ADCY3: variants seen among roughly 807,000 people sequenced by gnomAD.
The protein encoded by ADCY3 is adenylate cyclase type 3.
ADCY3 carries 70 observed loss-of-function variants against 119.4 expected under a neutral mutation model. The ratio of observed to expected loss-of-function variants is 0.59; its 90% confidence interval spans 0.48 to 0.72. The LOEUF is 0.72. Ranked by LOEUF, ADCY3 falls within the 30% of genes least tolerant of loss-of-function variation. The pLI is 0.00. For synonymous variants in ADCY3, 672 were observed against 621.4 expected, an observed-to-expected ratio of 1.08 and a Z score of -1.21; for missense variants, 1,238 against 1,541.6, an observed-to-expected ratio of 0.80 and a Z score of 3.30.
chr2:24,840,177 T>TG lies in ADCY3; in HGVS notation c.1197-147dup, dbSNP rs1385961879. On this transcript the variant is annotated intron_variant, in intron 6 of 21. Coordinates refer to ENST00000679454, the MANE Select transcript of ADCY3 (RefSeq NM_004036.5). ...AAGGTCCCCACAGCTTGGTGTTGGGTGGGGGGTAAGGCAGGCCAGGGCCAG... is the reference window on the plus strand; with the variant it reads ...AAGGTCCCCACAGCTTGGTGTTGGGTGGGGGGGTAAGGCAGGCCAGGGCCAG... 6 of 1,153,570 alleles carry TG rather than the reference T, an allele frequency of 5.2e-6. No homozygotes were observed. In the African/African-American group the frequency reaches 7.8e-5, roughly 15 times the overall value. The allele number at this position is 1,153,570 out of a possible 1,614,324, so 71.5% of individuals were successfully genotyped here. A position where few individuals can be genotyped will look rare whatever the true frequency, so the allele number is the denominator to read the frequency against.
At chr2:24,843,862 C>T (rs989299298) in intron 3 of ADCY3, among the ~76,000 whole-genome samples, 2 of 152,204 alleles carry the variant, frequency 1.3e-5, no homozygotes, top group Non-Finnish European at 2.9e-5. Flanking sequence ...GCTGCGGAGG[C>T]GAAGCCAGGG....
chr2:24,877,985 G>T, intron 2 of ADCY3: 1 of 471,158 alleles, frequency 2.1e-6, no homozygotes, highest in Non-Finnish European at 4.4e-6. Context: ...TTGCCCCGTG[G>T]TCCCCTTTAG....
At chr2:24,891,967 T>C (rs1485445375) in intron 2 of ADCY3, among the ~76,000 whole-genome samples, 2 of 152,248 alleles carry the variant, frequency 1.3e-5, no homozygotes. Context: ...CTGGGGATCC[T>C]GGAACAGCCC....
chr2:24,831,826 C>A, intron 11 of ADCY3, 77 bp from the exon 12 acceptor site: 1 of 139,960 alleles, frequency 7.1e-6, no homozygotes, highest in South Asian at 5.5e-5. Flanking sequence ...GAGGAAGGGA[C>A]GGGGATGGGG....
intron 15 of ADCY3, 44 bp from the exon 16 acceptor site, chr2:24,826,170 T>TCCTGGAGGGGG: frequency 3.2e-6 from 5 of 1,557,744 alleles, no homozygotes; most frequent in Non-Finnish European, 4.4e-6. Flanking sequence ...GTCATCTGCC[T>TCCTGGAGGGGG]CCTGGAGGGG....
chr2:24,836,609 A>G (rs1670353706), intron 9 of ADCY3, among the ~76,000 whole-genome samples: 1 of 152,228 alleles, frequency 6.6e-6, no homozygotes, highest in Non-Finnish European at 1.5e-5. Flanking sequence ...CAGATCCTAT[A>G]TAATTTTCCA....
chr2:24,840,075 C>G, intron 6 of ADCY3, 44 bp from the exon 7 acceptor site: 1 of 1,573,870 alleles, frequency 6.4e-7, no homozygotes, highest in Non-Finnish European at 8.7e-7. Flanking sequence ...GTGGCCTTCA[C>G]GAGGCAGCCA....
intron 2 of ADCY3, among the ~76,000 whole-genome samples, chr2:24,886,620 AC>A (rs1257749168): frequency 6.6e-6 from 1 of 151,484 alleles, no homozygotes; most frequent in Non-Finnish European, 1.5e-5. Flanking sequence ...AAGGGAGAAG[AC>A]CCCCGCCCCG....
At chr2:24,902,811 C>T (rs186081993) in intron 2 of ADCY3, among the ~76,000 whole-genome samples, 1 of 152,232 alleles carries the variant, frequency 6.6e-6, no homozygotes, top group African/African-American at 2.4e-5. Context: ...GGGTGGATCA[C>T]CTGAGGGCAG....
At chr2:24,852,650 C>T (rs1025821297) in intron 3 of ADCY3, among the ~76,000 whole-genome samples, 1 of 152,272 alleles carries the variant, frequency 6.6e-6, no homozygotes, top group Admixed American at 6.5e-5. Flanking sequence ...AGCCCCGGAC[C>T]TCGACAGAGG....
intron 2 of ADCY3, among the ~76,000 whole-genome samples, chr2:24,879,234 A>AG (rs370093891): frequency 0.015 from 2,219 of 152,178 alleles, 40 homozygotes; most frequent in African/African-American, 0.045. Context: ...GCACTTTGGG[A>AG]GGCCGATGTG....
At position 24,872,475 on chromosome 2, in the gene ADCY3, C is replaced by T. The variant is rs116750452; in HGVS notation, c.825+95G>A. The T allele has an allele frequency of 2.2e-3, 3,268 of 1,459,782 alleles. 25 individuals carry two copies. In the African/African-American group the frequency reaches 0.03, roughly 13 times the overall value. The allele number at this position is 1,459,782 out of a possible 1,614,324, so 90.4% of individuals were successfully genotyped here. On this transcript the variant is annotated intron_variant, in intron 3 of 21. Transcript: ENST00000679454. This position sits in a 1 kb window ranked among gnomAD's most constrained non-coding sequence, Gnocchi z 4.4. ...CAGGGTGGATGAACGCCAAGCCCCACGGAGCCAGGGGCTGCCGCTCTGGTT... is the reference window on the plus strand; with the variant it reads ...CAGGGTGGATGAACGCCAAGCCCCATGGAGCCAGGGGCTGCCGCTCTGGTT...
At chr2:24,854,372 G>A (rs983178002) in intron 3 of ADCY3, among the ~76,000 whole-genome samples, 3 of 152,214 alleles carry the variant, frequency 2.0e-5, no homozygotes, top group Non-Finnish European at 2.9e-5. Context: ...AAAGCTCACT[G>A]ATCTGGGGTT....
rs965851754 is a variant in ADCY3 at position 24,899,388 on chromosome 2, C to T, written c.675+18925G>A. ...ACCAAAGCCCATGTCTGTCTAAGAG[C>T]GGGACCTCACTCTCGGCTGGAATGC... On this transcript the variant is annotated intron_variant, in intron 2 of 21. Coordinates refer to ENST00000679454, the MANE Select transcript of ADCY3 (RefSeq NM_004036.5). The surrounding 1 kb of genome is among the most constrained non-coding windows in gnomAD (Gnocchi z 4.5). Among the ~76,000 whole-genome samples the T allele has an allele frequency of 6.6e-6, 1 of 152,228 alleles. No homozygotes were observed. The highest frequency in any genetic ancestry group is 2.4e-5 in the African/African-American group (1 of 41,454).
rs112902258 is a variant in ADCY3, at chr2:24,826,455, A to G, written c.2496-329T>C. The G allele has an allele frequency of 3.3e-3, 805 of 245,126 alleles. 8 individuals carry two copies. Among genetic ancestry groups the G allele is most frequent in the African/African-American group, 0.016 (709 of 44,504 alleles). The allele number at this position is 245,126 out of a possible 1,614,324, so 15.2% of individuals were successfully genotyped here. ...AACCATGCAGGAATTTGGAGAAGCAAGAGACATCAGTGATGGGATTTCATA... is the reference window on the plus strand; with the variant it reads ...AACCATGCAGGAATTTGGAGAAGCAGGAGACATCAGTGATGGGATTTCATA... On this transcript the variant is annotated intron_variant, in intron 15 of 21. Coordinates refer to ENST00000679454, the MANE Select transcript of ADCY3 (RefSeq NM_004036.5).
chr2:24,836,750 G>A (rs1260433999), intron 9 of ADCY3, among the ~76,000 whole-genome samples, 167 bp downstream of exon 9: 3 of 152,154 alleles, frequency 2.0e-5, no homozygotes, highest in Admixed American at 6.5e-5. Flanking sequence ...GGGGTTTTGC[G>A]GGGCTGGAGG....
chr2:24,827,733 A>AG, intron 14 of ADCY3, 125 bp from the exon 15 acceptor site: 1 of 1,412,402 alleles, frequency 7.1e-7, no homozygotes, highest in Middle Eastern at 1.9e-4. Context: ...CTCAGGTCCT[A>AG]GCCAAACAGT....
chr2:24,893,153 C>T (rs1677891486), intron 2 of ADCY3, among the ~76,000 whole-genome samples: 1 of 151,704 alleles, frequency 6.6e-6, no homozygotes, highest in Admixed American at 6.6e-5. Flanking sequence ...CTTGCCTCAG[C>T]CTCCAAGGTA....
chr2:24,824,565 G>C lies in ADCY3; in HGVS notation c.2578-29C>G, dbSNP rs775433380. 7.5e-6 allele frequency: 12 copies of C among 1,609,852 alleles called. No individual in the cohort carries two copies. In the African/African-American group the frequency reaches 1.2e-4, roughly 16 times the overall value. Reference sequence around the variant, plus strand: ...CAGACACAGACAAGGCGAGGCATGTGCTCTAAGCTGGCCACTGGATAGAAG... The same window carrying C: ...CAGACACAGACAAGGCGAGGCATGTCCTCTAAGCTGGCCACTGGATAGAAG... On this transcript the variant is annotated intron_variant, in intron 16 of 21. Transcript: ENST00000679454.
Sources: gnomAD v4.1 joint callset for allele counts (sites outside exome capture counted in the v4.1 genomes callset) on GRCh38, gnomAD v4.1.1 for gene constraint, Gnocchi (gnomAD v3.1) non-coding constraint, MANE v1.5 for transcripts, NCBI Gene and HGNC (gene_info 2026-07-23, HGNC 2026-07-21) for gene names.